The following KCNG3 variants were observed in gnomAD, a reference collection of about 807,000 sequenced individuals.
KCNG3 encodes the protein potassium voltage-gated channel modifier subfamily G member 3, also known as voltage-gated potassium channel regulatory subunit KCNG3.
In KCNG3, 15 loss-of-function variants were observed where a neutral mutation model predicts 29.0. The observed-to-expected ratio is 0.52, with a 90% CI of 0.35 to 0.80. The LOEUF (loss-of-function observed/expected upper bound fraction) is 0.80. Ranked by LOEUF, KCNG3 falls within the 30% of genes least tolerant of loss-of-function variation. KCNG3 has a pLI of 0.01. For missense variants in KCNG3, 512 were observed against 605.7 expected (o/e 0.85, Z 1.62); for synonymous variants, 322 against 248.9 (o/e 1.29, Z -2.76).
chr2:42,409,675 G>A, the KCNG3 span, among the ~76,000 whole-genome samples: 1 of 126,954 alleles, frequency 7.9e-6, no homozygotes. Context: ...CTGCACTTCA[G>A]CCTGGGTGAC....
rs1673026032 is a variant in KCNG3, at chr2:42,461,860, A to G, written c.666-17281T>C. 2.6e-5 allele frequency among the ~76,000 whole-genome samples: 4 copies of G among 152,222 alleles called. No homozygotes were observed. The South Asian group carries it at 8.3e-4, about 31-fold the overall frequency. ...CCTCTTCAAACAAGATCACCTTACA[A>G]AAAGTGATAACAATTCTTTTCTTTA... On this transcript the variant is annotated intron_variant, in intron 1 of 1. Transcript: ENST00000306078.
At chr2:42,455,394 G>T (rs1289136199) in intron 1 of KCNG3, among the ~76,000 whole-genome samples, 1 of 152,152 alleles carries the variant, frequency 6.6e-6, no homozygotes, top group Non-Finnish European at 1.5e-5. Context: ...GAACGAGATT[G>T]TTCCTGTCAT....
At chr2:42,438,710 T>C (rs1013452769), downstream of KCNG3, among the ~76,000 whole-genome samples, 11 of 152,344 alleles carry the variant, frequency 7.2e-5, no homozygotes, top group African/African-American at 2.4e-4. Flanking sequence ...ATTTGGAAGA[T>C]CTAGAAAAAT....
rs957083478 is a variant in KCNG3, at chr2:42,493,545, G to GC, written c.-45dup. ...CTTTCGGCCCGAGGGCCCCGCTGCA[G>GC]CCCCCCACCCCAAGCCGCCACGCGG... On this transcript the variant is annotated 5_prime_UTR_variant, in exon 1 of 2. Coordinates refer to ENST00000306078, the MANE Select transcript of KCNG3 (RefSeq NM_133329.6). 1.2e-4 allele frequency: 158 copies of GC among 1,325,718 alleles called. 1 individual carries two copies. In the East Asian group the frequency reaches 2.7e-3, roughly 23 times the overall value. 82.1% of individuals were successfully genotyped at this position (1,325,718 alleles called of 1,614,324 possible).
the KCNG3 span, among the ~76,000 whole-genome samples, chr2:42,395,445 T>C: frequency 6.6e-6 from 1 of 152,178 alleles, no homozygotes; most frequent in Non-Finnish European, 1.5e-5. Flanking sequence ...CTCACACCTG[T>C]AATCCCAGCA....
At chr2:42,459,748 G>C (rs979857255) in intron 1 of KCNG3, among the ~76,000 whole-genome samples, 2 of 152,166 alleles carry the variant, frequency 1.3e-5, no homozygotes, top group Non-Finnish European at 2.9e-5. Flanking sequence ...AGGTCAAGGC[G>C]GGTGGATCAT....
chr2:42,440,779 TGTTA>T (rs879341301), downstream of KCNG3, among the ~76,000 whole-genome samples: 67 of 152,350 alleles, frequency 4.4e-4, 2 homozygotes, highest in Admixed American at 4.0e-3. Context: ...AGCCTTGAAT[TGTTA>T]GTTTGTTCAC....
At chr2:42,424,140 A>G in the KCNG3 span, among the ~76,000 whole-genome samples, 1 of 152,122 alleles carries the variant, frequency 6.6e-6, no homozygotes, top group Non-Finnish European at 1.5e-5. Flanking sequence ...TTATTTCAAC[A>G]TTTTCAGCAG....
chr2:42,430,059 A>C, the KCNG3 span, among the ~76,000 whole-genome samples: 1 of 152,092 alleles, frequency 6.6e-6, no homozygotes, highest in African/African-American at 2.4e-5. Flanking sequence ...TCTCTAAGCA[A>C]ATTTTATTAA....
the KCNG3 span, among the ~76,000 whole-genome samples, chr2:42,401,882 T>G: frequency 6.6e-6 from 1 of 152,052 alleles, no homozygotes; most frequent in South Asian, 2.1e-4. Flanking sequence ...AGAATCCGTC[T>G]CAAAAAACAA....
chr2:42,397,125 A>G, the KCNG3 span, among the ~76,000 whole-genome samples: 2 of 152,150 alleles, frequency 1.3e-5, no homozygotes, highest in East Asian at 3.9e-4. Context: ...GACACCTGTA[A>G]TTCCAGCTAC....
chr2:42,469,087 TTCAGTA>T (rs1673218664), intron 1 of KCNG3, among the ~76,000 whole-genome samples: 1 of 151,872 alleles, frequency 6.6e-6, no homozygotes. Context: ...ATTATATTAT[TTCAGTA>T]ATTAAGACAG....
In KCNG3 at chr2:42,444,848, G is replaced by C. The variant is rs887531556; in HGVS notation, c.666-269C>G. On this transcript the variant is annotated intron_variant, in intron 1 of 1. Coordinates refer to ENST00000306078, the MANE Select transcript of KCNG3 (RefSeq NM_133329.6). This position sits in a 1 kb window ranked among gnomAD's most constrained non-coding sequence, Gnocchi z 5.8. ...AGGCTGAGGTGGGTGAATCGCTTGA[G>C]CCCAGGAGTTCGAGACCAACCTGGG... 4.6e-5 allele frequency among the ~76,000 whole-genome samples: 7 copies of C among 151,616 alleles called. No homozygotes were observed. The highest frequency in any genetic ancestry group is 1.7e-4 in the African/African-American group (7 of 41,222).
the KCNG3 span, among the ~76,000 whole-genome samples, chr2:42,432,818 T>C: frequency 6.6e-6 from 1 of 152,076 alleles, no homozygotes; most frequent in Non-Finnish European, 1.5e-5. Flanking sequence ...GTAAATTTCT[T>C]GCAGAGATTT....
At chr2:42,410,091 A>G in the KCNG3 span, among the ~76,000 whole-genome samples, 1 of 152,080 alleles carries the variant, frequency 6.6e-6, no homozygotes, top group Non-Finnish European at 1.5e-5. Flanking sequence ...AGCTTTCTCC[A>G]TTCAATAATA....
At chr2:42,432,699 C>T in the KCNG3 span, among the ~76,000 whole-genome samples, 2 of 152,130 alleles carry the variant, frequency 1.3e-5, no homozygotes, top group Non-Finnish European at 2.9e-5. Context: ...CTCAAATTAA[C>T]TTGGGTTAAT....
chr2:42,431,113 A>AG, the KCNG3 span, among the ~76,000 whole-genome samples: 1 of 151,954 alleles, frequency 6.6e-6, no homozygotes, highest in Non-Finnish European at 1.5e-5. Flanking sequence ...TCTCCAAAAA[A>AG]AAAAAAAAAA....
At chr2:42,451,695 C>T (rs1231647005) in intron 1 of KCNG3, among the ~76,000 whole-genome samples, 1 of 152,062 alleles carries the variant, frequency 6.6e-6, no homozygotes, top group East Asian at 1.9e-4. Flanking sequence ...CACTGCACTC[C>T]AACCTGGGCG....
At chr2:42,455,338 CATT>C (rs1672853064) in intron 1 of KCNG3, among the ~76,000 whole-genome samples, 1 of 152,200 alleles carries the variant, frequency 6.6e-6, no homozygotes, top group Non-Finnish European at 1.5e-5. Flanking sequence ...CTGACTTTGA[CATT>C]AATTAATTTT....
Sources: gnomAD v4.1 joint callset for allele counts (sites outside exome capture counted in the v4.1 genomes callset) on GRCh38, gnomAD v4.1.1 for gene constraint, Gnocchi (gnomAD v3.1) non-coding constraint, MANE v1.5 for transcripts, NCBI Gene and HGNC (gene_info 2026-07-23, HGNC 2026-07-21) for gene names.